Variants in ZC3H12B observed in about 807,000 individuals in gnomAD.
ZC3H12B encodes the protein probable ribonuclease ZC3H12B.
In ZC3H12B, 7 loss-of-function variants were observed where a neutral mutation model predicts 43.9. The ratio of observed to expected loss-of-function variants is 0.16; its 90% CI spans 0.09 to 0.30. ZC3H12B has a LOEUF of 0.30. ZC3H12B is among the 10% of genes least tolerant of loss of function. ZC3H12B has a pLI of 1.00. For missense variants in ZC3H12B, 475 were observed against 670.2 expected, an observed-to-expected ratio of 0.71 and a Z score of 3.22; for synonymous variants, 222 against 241.7, an observed-to-expected ratio of 0.92 and a Z score of 0.76.
chrX:65,055,359 A>G, the ZC3H12B span, among the ~76,000 whole-genome samples: 2 of 111,734 alleles, frequency 1.8e-5, no homozygotes, highest in African/African-American at 6.5e-5. Flanking sequence ...GGTTTTTGTC[A>G]TTGGTTCTGT....
intron 2 of ZC3H12B, among the ~76,000 whole-genome samples, chrX:65,395,467 T>A (rs762026047): frequency 6.2e-5 from 7 of 112,601 alleles, no homozygotes; most frequent in Non-Finnish European, 3.8e-5. Flanking sequence ...GAGATAATTA[T>A]GTGGTTTTTG....
chrX:65,267,203 T>C, the ZC3H12B span, among the ~76,000 whole-genome samples: 7 of 108,843 alleles, frequency 6.4e-5, no homozygotes, highest in South Asian at 3.8e-4. Flanking sequence ...TTCTTTCTTT[T>C]TTTTTTTTTT....
At chrX:65,227,674 A>G in the ZC3H12B span, among the ~76,000 whole-genome samples, 6 of 111,209 alleles carry the variant, frequency 5.4e-5, no homozygotes, top group Admixed American at 9.6e-5. Flanking sequence ...GAATCAAATA[A>G]ACACAATAAA....
intron 2 of ZC3H12B, among the ~76,000 whole-genome samples, chrX:65,376,275 T>C (rs903421135): frequency 8.0e-5 from 9 of 112,011 alleles, no homozygotes; most frequent in African/African-American, 2.3e-4. Flanking sequence ...CACAGGTAGA[T>C]TTCTAAGGTT....
chrX:65,240,265 TTTG>T, the ZC3H12B span, among the ~76,000 whole-genome samples: 2 of 111,972 alleles, frequency 1.8e-5, no homozygotes, highest in East Asian at 5.6e-4. Context: ...GGAGGTTTAG[TTTG>T]TTTTTTAATT....
chrX:65,301,601 C>G, the ZC3H12B span, among the ~76,000 whole-genome samples: 8 of 110,810 alleles, frequency 7.2e-5, no homozygotes, highest in Non-Finnish European at 1.1e-4. Flanking sequence ...TCAAGTAACT[C>G]AGGAATGGAA....
At chrX:65,447,014 G>T (rs1048687151) in intron 3 of ZC3H12B, among the ~76,000 whole-genome samples, 2 of 111,715 alleles carry the variant, frequency 1.8e-5, no homozygotes, top group Non-Finnish European at 3.8e-5. Context: ...TTTTGTTGGA[G>T]TACTTTGGGC....
intron 1 of ZC3H12B, among the ~76,000 whole-genome samples, chrX:65,368,342 T>C (rs1186773927): frequency 8.9e-6 from 1 of 111,733 alleles, no homozygotes; most frequent in Non-Finnish European, 1.9e-5. Context: ...TTTATGATCT[T>C]ATTTTGTTTT....
At chrX:65,053,264 C>G in the ZC3H12B span, among the ~76,000 whole-genome samples, 3 of 110,850 alleles carry the variant, frequency 2.7e-5, no homozygotes, top group Non-Finnish European at 3.8e-5. Flanking sequence ...CCACTCCCCC[C>G]ACCCCGCAAC....
the ZC3H12B span, among the ~76,000 whole-genome samples, chrX:65,074,035 C>A: frequency 1.8e-5 from 2 of 111,780 alleles, no homozygotes; most frequent in East Asian, 5.6e-4. Context: ...CTCCAGTATT[C>A]TAATATTTTG....
At chrX:65,286,034 C>A in the ZC3H12B span, among the ~76,000 whole-genome samples, 2 of 111,647 alleles carry the variant, frequency 1.8e-5, no homozygotes, top group Non-Finnish European at 3.8e-5. Flanking sequence ...AACGGAACTA[C>A]CATTCAATCC....
the ZC3H12B span, among the ~76,000 whole-genome samples, chrX:65,356,016 G>A: frequency 8.9e-6 from 1 of 111,878 alleles, no homozygotes; most frequent in East Asian, 2.8e-4. Context: ...CACACTAACC[G>A]TATTTTAAAT....
chrX:65,304,408 A>AGATCGAGACCATTCTG, the ZC3H12B span, among the ~76,000 whole-genome samples: 1 of 111,590 alleles, frequency 9.0e-6, no homozygotes, highest in Non-Finnish European at 1.9e-5. Flanking sequence ...CGAGGTCAGG[A>AGATCGAGACCATTCTG]GATCGAGACC....
the ZC3H12B span, among the ~76,000 whole-genome samples, chrX:65,353,962 A>T: frequency 8.9e-6 from 1 of 111,876 alleles, no homozygotes; most frequent in Non-Finnish European, 1.9e-5. Context: ...CAGCAGCCCC[A>T]GTCAGGGGCT....
At chrX:65,231,566 C>A in the ZC3H12B span, among the ~76,000 whole-genome samples, 2 of 111,121 alleles carry the variant, frequency 1.8e-5, no homozygotes, top group African/African-American at 3.3e-5. Context: ...GAACTACCCC[C>A]AGGAATGCAT....
intron 2 of ZC3H12B, among the ~76,000 whole-genome samples, chrX:65,383,001 C>T (rs981954889): frequency 6.3e-5 from 7 of 110,816 alleles, no homozygotes; most frequent in Admixed American, 9.6e-5. Context: ...GTAGGAAGAA[C>T]CAATATCGTG....
chrX:65,353,530 A>G, the ZC3H12B span, among the ~76,000 whole-genome samples: 2 of 112,148 alleles, frequency 1.8e-5, no homozygotes, highest in Non-Finnish European at 3.8e-5. Flanking sequence ...CCAAGTTGTG[A>G]ATGCAAAGGA....
the ZC3H12B span, among the ~76,000 whole-genome samples, chrX:65,077,353 G>A: frequency 8.9e-6 from 1 of 111,840 alleles, no homozygotes; most frequent in Non-Finnish European, 1.9e-5. Flanking sequence ...ATGGAAATTG[G>A]GTGGACCAGC....
chrX:65,239,514 G>A, the ZC3H12B span, among the ~76,000 whole-genome samples: 1 of 110,112 alleles, frequency 9.1e-6, no homozygotes, highest in Admixed American at 9.7e-5. Context: ...CATACTGATG[G>A]GTCTTGACTC....
Sources: gnomAD v4.1 joint callset for allele counts (sites outside exome capture counted in the v4.1 genomes callset) on GRCh38, gnomAD v4.1.1 for gene constraint, MANE v1.5 for transcripts, NCBI Gene and HGNC (gene_info 2026-07-23, HGNC 2026-07-21) for gene names.